STX6: variants seen among roughly 807,000 people sequenced by gnomAD.
STX6 encodes the protein syntaxin-6.
A neutral mutation model predicts 38.0 loss-of-function variants in STX6; 23 were observed. That is an observed-to-expected ratio of 0.60 (90% CI 0.43 to 0.86). The LOEUF is 0.86. STX6 is among the 40% of genes least tolerant of loss of function. The pLI is 0.00. For synonymous variants in STX6, 123 were observed against 107.5 expected (o/e 1.14, Z -0.89); for missense variants, 274 against 312.9 (o/e 0.88, Z 0.94).
At chr1:181,009,773 C>A (rs1195354378) in intron 1 of STX6, among the ~76,000 whole-genome samples, 3 of 152,180 alleles carry the variant, frequency 2.0e-5, no homozygotes, top group East Asian at 3.8e-4. Flanking sequence ...CAAAGTCCCA[C>A]TCCTAAGTGA....
At chr1:181,007,735 A>AC (rs1656265272) in intron 1 of STX6, among the ~76,000 whole-genome samples, 2 of 152,054 alleles carry the variant, frequency 1.3e-5, no homozygotes, top group South Asian at 4.1e-4. Context: ...ATTACTGAAG[A>AC]CCCCGAAGAG....
chr1:180,972,931 G>GA lies in STX6; in HGVS notation c.*3638_*3639insT, dbSNP rs1337415200. The GA allele has an allele frequency of 7.8e-6, 2 of 255,664 alleles. No homozygotes were observed. The highest frequency in any genetic ancestry group is 4.6e-5 in the African/African-American group (2 of 43,768). 15.8% of individuals were successfully genotyped at this position (255,664 alleles called of 1,614,324 possible). A position where few individuals can be genotyped will look rare whatever the true frequency, so the allele number is the denominator to read the frequency against. On this transcript the variant is annotated 3_prime_UTR_variant, in exon 8 of 8. Transcript: ENST00000258301. Reference sequence around the variant, plus strand: ...AGACCACCCCCTATTAGAAGCAAAGGCCCTGGGAGGAGTAAGGCCTGTCAC... The same window carrying GA: ...AGACCACCCCCTATTAGAAGCAAAGGACCCTGGGAGGAGTAAGGCCTGTCAC...
At chr1:181,013,195 C>G (rs1327570334) in intron 1 of STX6, among the ~76,000 whole-genome samples, 3 of 151,892 alleles carry the variant, frequency 2.0e-5, no homozygotes, top group Non-Finnish European at 4.4e-5. Flanking sequence ...TTACTTGCAT[C>G]TAACCAAGTT....
chr1:181,010,336 C>T (rs972457968), intron 1 of STX6, among the ~76,000 whole-genome samples: 4 of 152,104 alleles, frequency 2.6e-5, no homozygotes. Flanking sequence ...GAATCTCACT[C>T]TGTCACCCAG....
chr1:181,020,489 T>C (rs1656695060), intron 1 of STX6, among the ~76,000 whole-genome samples: 1 of 152,234 alleles, frequency 6.6e-6, no homozygotes, highest in Admixed American at 6.5e-5. Context: ...GCATTATACT[T>C]CTATTGGACA....
At position 181,005,355 on chromosome 1, in the gene STX6, G is replaced by A. The variant is rs200373166; in HGVS notation, c.144C>T (p.Asn48=). The part of the protein sequence containing the change: ...ATREEIDWTT[N]ELRNNLRSIE... ...TGCTCCGGAGGTTATTTCTCAGCTC[G>A]TTGGTGGTCCAGTCGATTTCTTCCC... is the stretch of plus-strand genomic sequence containing the variant. The change falls in exon 2 of 8, where the codon AAC becomes AAT. Residue 48 remains asparagine (N), a synonymous_variant. Coordinates refer to ENST00000258301, the MANE Select transcript of STX6 (RefSeq NM_005819.6). 1.2e-4 allele frequency: 198 copies of A among 1,614,006 alleles called. No homozygotes were observed. The highest frequency in any genetic ancestry group is 8.6e-5 in the Non-Finnish European group (102 of 1,180,000).
intron 3 of STX6, among the ~76,000 whole-genome samples, chr1:180,995,505 T>C (rs1655883451): frequency 6.6e-6 from 1 of 152,224 alleles, no homozygotes. Context: ...CCGATTTATT[T>C]AATATTATTA....
At chr1:181,011,810 C>T (rs372763023) in intron 1 of STX6, among the ~76,000 whole-genome samples, 2 of 152,034 alleles carry the variant, frequency 1.3e-5, no homozygotes, top group Non-Finnish European at 2.9e-5. Flanking sequence ...CACTGTTGTC[C>T]GTTCTACACA....
chr1:180,983,573 T>C (rs1655474497), intron 7 of STX6, among the ~76,000 whole-genome samples: 1 of 152,242 alleles, frequency 6.6e-6, no homozygotes, highest in South Asian at 2.1e-4. Flanking sequence ...TATTTCAGTA[T>C]TGATTTAAAC....
At chr1:180,986,910 G>A (rs1386358493) in intron 6 of STX6, among the ~76,000 whole-genome samples, 1 of 151,826 alleles carries the variant, frequency 6.6e-6, no homozygotes, top group Admixed American at 6.6e-5. Flanking sequence ...TGAACTTTAG[G>A]GTCAGGACCC....
intron 7 of STX6, among the ~76,000 whole-genome samples, chr1:180,981,230 G>A (rs776106621): frequency 2.0e-5 from 3 of 152,078 alleles, no homozygotes; most frequent in Non-Finnish European, 2.9e-5. Context: ...ACGTACCACC[G>A]TGATGCTTGA....
chr1:181,013,653 G>T (rs1474853681), intron 1 of STX6, among the ~76,000 whole-genome samples: 2 of 152,058 alleles, frequency 1.3e-5, no homozygotes, highest in African/African-American at 4.8e-5. Context: ...TAGTTATCGT[G>T]GTTGTTTAAC....
At chr1:181,008,031 T>TGGA (rs1656278179) in intron 1 of STX6, among the ~76,000 whole-genome samples, 1 of 152,210 alleles carries the variant, frequency 6.6e-6, no homozygotes, top group South Asian at 2.1e-4. Context: ...GATACATACT[T>TGGA]GGAAAAGGGA....
intron 1 of STX6, among the ~76,000 whole-genome samples, chr1:181,022,136 C>G (rs949282550): frequency 2.2e-4 from 34 of 151,784 alleles, no homozygotes; most frequent in African/African-American, 6.3e-4. Context: ...GCTCAGACGC[C>G]TCTGGGCTTG....
At chr1:181,011,227 G>A (rs928451072) in intron 1 of STX6, among the ~76,000 whole-genome samples, 11 of 152,216 alleles carry the variant, frequency 7.2e-5, no homozygotes, top group Non-Finnish European at 1.6e-4. Flanking sequence ...TAAGATGGAT[G>A]TTTTAAGGGA....
Position 180,976,252 on chromosome 1 carries a change from T to G in STX6, c.*318A>C. ...GAGCAACAGCAAAACACCAGTGGAG[T>G]CTGTAAGTCCCTCCTCAGCAAACGA... On this transcript the variant is annotated 3_prime_UTR_variant, in exon 8 of 8. Transcript: ENST00000258301. 1 of 321,636 alleles carries G rather than the reference T, an allele frequency of 3.1e-6. No individual in the cohort carries two copies. The highest frequency in any genetic ancestry group is 6.0e-6 in the Non-Finnish European group (1 of 165,740). The allele number at this position is 321,636 out of a possible 1,614,324, so 19.9% of individuals were successfully genotyped here. A position where few individuals can be genotyped will look rare whatever the true frequency, so the allele number is the denominator to read the frequency against.
At chr1:181,008,274 G>A (rs963080666) in intron 1 of STX6, among the ~76,000 whole-genome samples, 16 of 152,114 alleles carry the variant, frequency 1.1e-4, no homozygotes, top group African/African-American at 3.4e-4. Flanking sequence ...CTTATACTAC[G>A]ATCCATTGGT....
At chr1:180,994,268 T>G (rs1185650595) in intron 3 of STX6, among the ~76,000 whole-genome samples, 1 of 152,230 alleles carries the variant, frequency 6.6e-6, no homozygotes, top group Non-Finnish European at 1.5e-5. Flanking sequence ...TTTAGAAACT[T>G]CTTTAAAGAC....
At chr1:181,002,503 A>G in intron 3 of STX6, 103 bp downstream of exon 3, 1 of 728,062 alleles carries the variant, frequency 1.4e-6, no homozygotes, top group Non-Finnish European at 2.3e-6. Flanking sequence ...CATATTTAAA[A>G]AGTGGTTTCA....
Sources: gnomAD v4.1 joint callset for allele counts (sites outside exome capture counted in the v4.1 genomes callset) on GRCh38, gnomAD v4.1.1 for gene constraint, MANE v1.5 for transcripts, NCBI Gene and HGNC (gene_info 2026-07-23, HGNC 2026-07-21) for gene names.